ASIC2: variants seen among roughly 807,000 people sequenced by gnomAD.
ASIC2 encodes the protein acid sensing ion channel subunit 2, also known as acid-sensing ion channel 2.
In ASIC2, 25 loss-of-function variants were observed where a neutral mutation model predicts 57.3. The ratio of observed to expected loss-of-function variants is 0.44; its 90% CI spans 0.32 to 0.61. ASIC2 has a LOEUF of 0.61. ASIC2 is among the 20% of genes least tolerant of loss of function. ASIC2 has a pLI of 0.06. For synonymous variants in ASIC2, 319 were observed against 307.5 expected, an observed-to-expected ratio of 1.04 and a Z score of -0.39; for missense variants, 641 against 738.1, an observed-to-expected ratio of 0.87 and a Z score of 1.52.
intron 1 of ASIC2, among the ~76,000 whole-genome samples, chr17:33,812,151 G>C (rs1009861883): frequency 2.0e-5 from 3 of 152,030 alleles, no homozygotes; most frequent in Non-Finnish European, 2.9e-5. Context: ...CAAGTATCTA[G>C]TGCTTCTTCT....
At chr17:33,737,563 T>A (rs1195528893) in intron 1 of ASIC2, among the ~76,000 whole-genome samples, 1 of 152,280 alleles carries the variant, frequency 6.6e-6, no homozygotes, top group African/African-American at 2.4e-5. Context: ...TTATTTAACT[T>A]CTTTGAACTT....
chr17:34,112,460 A>T (rs1403569372), intron 1 of ASIC2, among the ~76,000 whole-genome samples: 3 of 150,516 alleles, frequency 2.0e-5, no homozygotes, highest in Non-Finnish European at 4.4e-5. Flanking sequence ...GACAGGCCAA[A>T]AAAAAAAAAA....
intron 1 of ASIC2, among the ~76,000 whole-genome samples, chr17:34,115,476 A>G (rs1391699419): frequency 6.6e-6 from 1 of 152,160 alleles, no homozygotes; most frequent in Non-Finnish European, 1.5e-5. Context: ...TATAGACCTT[A>G]GTGCTGAGTA....
At chr17:33,910,677 T>C (rs1597926251) in intron 1 of ASIC2, among the ~76,000 whole-genome samples, 2 of 152,198 alleles carry the variant, frequency 1.3e-5, no homozygotes, top group Non-Finnish European at 2.9e-5. Flanking sequence ...GACTAGCACA[T>C]GGCCTGACAC....
chr17:33,778,895 C>T (rs749043707), intron 1 of ASIC2, among the ~76,000 whole-genome samples: 4 of 152,114 alleles, frequency 2.6e-5, no homozygotes, highest in South Asian at 2.1e-4. Context: ...AGGGGCAGGG[C>T]GCCTAGGGTA....
intron 1 of ASIC2, among the ~76,000 whole-genome samples, chr17:33,168,069 A>G (rs1365069381): frequency 1.3e-5 from 2 of 152,232 alleles, no homozygotes; most frequent in Admixed American, 6.5e-5. Flanking sequence ...GGATAAAATG[A>G]TGAAGCTTGT....
intron 3 of ASIC2, among the ~76,000 whole-genome samples, chr17:33,055,547 TGTCA>T (rs1257774653): frequency 2.0e-5 from 3 of 152,184 alleles, no homozygotes; most frequent in Non-Finnish European, 4.4e-5. Flanking sequence ...TGTCCTGCTC[TGTCA>T]GTCAGGCTGG....
At chr17:33,758,788 C>T (rs1910690047) in intron 1 of ASIC2, among the ~76,000 whole-genome samples, 1 of 152,120 alleles carries the variant, frequency 6.6e-6, no homozygotes, top group Non-Finnish European at 1.5e-5. Context: ...AAGAAGAAGG[C>T]TCCCACCAGA....
At chr17:33,919,162 C>A (rs1915654149) in intron 1 of ASIC2, among the ~76,000 whole-genome samples, 1 of 152,082 alleles carries the variant, frequency 6.6e-6, no homozygotes, top group African/African-American at 2.4e-5. Flanking sequence ...TCTGCCAGGA[C>A]CCTGGGTTCC....
At chr17:33,088,704 G>C (rs953394745) in intron 3 of ASIC2, among the ~76,000 whole-genome samples, 159 bp downstream of exon 3, 4 of 152,326 alleles carry the variant, frequency 2.6e-5, no homozygotes, top group African/African-American at 9.6e-5. Context: ...GGAACAACAG[G>C]TGGTACAGGA....
Position 33,675,759 on chromosome 17 carries a change from AC to A in ASIC2, c.555+480218del, listed in dbSNP as rs957877209. ...GCTAATTTTTGTATTTTTCGTAGAG[AC>A]AGGGTTTCACCATGTTGCCCAGACT... On this transcript the variant is annotated intron_variant, in intron 1 of 9. Transcript: ENST00000359872. 5.3e-5 allele frequency among the ~76,000 whole-genome samples: 8 copies of A among 152,222 alleles called. No individual in the cohort carries two copies. The East Asian group carries it at 1.5e-3, about 29-fold the overall frequency.
chr17:33,078,741 A>G (rs1459843565), intron 3 of ASIC2, among the ~76,000 whole-genome samples: 1 of 152,094 alleles, frequency 6.6e-6, no homozygotes, highest in East Asian at 1.9e-4. Flanking sequence ...TATAGCCCTT[A>G]CTCCATGATT....
At chr17:33,310,610 G>A (rs937651435) in intron 1 of ASIC2, among the ~76,000 whole-genome samples, 14 of 152,258 alleles carry the variant, frequency 9.2e-5, no homozygotes, top group African/African-American at 3.4e-4. Context: ...GAAGAAGTTG[G>A]ACACTGACTG....
intron 1 of ASIC2, among the ~76,000 whole-genome samples, chr17:33,375,457 AG>A (rs571502643): frequency 3.3e-5 from 5 of 152,210 alleles, no homozygotes; most frequent in Non-Finnish European, 5.9e-5. Context: ...AGATTCTTGC[AG>A]GCCTTTGTAA....
chr17:34,063,729 CCAAG>C lies in ASIC2; in HGVS notation c.555+92245_555+92248del, dbSNP rs567948377. On this transcript the variant is annotated intron_variant, in intron 1 of 9. Transcript: ENST00000359872. ...TAGCTCTTCTATACACCAACAGCAA[CCAAG>C]CAGAGAACCAAATCAAGAACTCAAC... Among the ~76,000 whole-genome samples, 186 of 152,106 alleles carry C rather than the reference CCAAG, an allele frequency of 1.2e-3. 1 individual carries two copies. The highest frequency in any genetic ancestry group is 4.4e-3 in the African/African-American group (182 of 41,502).
intron 1 of ASIC2, among the ~76,000 whole-genome samples, chr17:34,028,464 A>G (rs1167068710): frequency 6.6e-6 from 1 of 152,208 alleles, no homozygotes; most frequent in Non-Finnish European, 1.5e-5. Flanking sequence ...CACTCAAATG[A>G]GTGTGTAGTC....
intron 1 of ASIC2, among the ~76,000 whole-genome samples, chr17:33,875,949 A>G (rs1914534742): frequency 6.6e-6 from 1 of 152,236 alleles, no homozygotes; most frequent in African/African-American, 2.4e-5. Flanking sequence ...AAATGTTTCA[A>G]TTAGAAAAAG....
At chr17:33,130,568 G>A (rs1180255627) in intron 1 of ASIC2, among the ~76,000 whole-genome samples, 2 of 152,196 alleles carry the variant, frequency 1.3e-5, no homozygotes, top group Non-Finnish European at 2.9e-5. Context: ...AAGTATTTAT[G>A]CAAATGCTAT....
chr17:33,292,441 C>T lies in ASIC2; in HGVS notation c.-326G>A. ...CGGCACTACTTCTGGAGGGGTCCCA[C>T]TGGGAGCCGCCTCTCCAGTCCCTGG... On this transcript the variant is annotated 5_prime_UTR_variant, in exon 1 of 10. The change creates a new upstream start codon in the 5' untranslated region. Transcript: ENST00000225823. 1.0e-6 allele frequency: 1 copy of T among 985,720 alleles called. No individual in the cohort carries two copies. The highest frequency in any genetic ancestry group is 1.2e-6 in the Non-Finnish European group (1 of 830,204). 61.1% of individuals were successfully genotyped at this position (985,720 alleles called of 1,614,324 possible). A position where few individuals can be genotyped will look rare whatever the true frequency, so the allele number is the denominator to read the frequency against.
Sources: allele counts gnomAD v4.1 joint callset (sites outside exome capture counted in the v4.1 genomes callset), GRCh38; gene constraint gnomAD v4.1.1; transcripts MANE v1.5; gene names NCBI Gene and HGNC (gene_info 2026-07-23, HGNC 2026-07-21).